The following TMEM184B variants were observed in gnomAD, a reference collection of about 807,000 sequenced individuals.
TMEM184B encodes transmembrane protein 184B.
Under a neutral mutation model 41.8 loss-of-function variants are expected in TMEM184B, and 17 were observed. The observed-to-expected ratio is 0.41, with a 90% CI of 0.28 to 0.61. The LOEUF (loss-of-function observed/expected upper bound fraction) is 0.61, where lower values mean the gene tolerates loss of function less well. TMEM184B is among the 20% of genes least tolerant of loss of function. The pLI is 0.34. For missense variants in TMEM184B, 393 were observed against 557.8 expected (o/e 0.70, Z 2.98); for synonymous variants, 240 against 229.5 (o/e 1.05, Z -0.41).
rs1305396118 is a variant in TMEM184B, at chr22:38,272,947, G to T, written c.-122C>A. ...GCGCGGCAGCCGGACTCTGCGGGCG[G>T]GGCGGGCGGCGCCGCAGCCCCGGAG... is the stretch of plus-strand genomic sequence containing the variant. On this transcript the variant is annotated 5_prime_UTR_variant, in exon 1 of 9. Coordinates refer to ENST00000361906, the MANE Select transcript of TMEM184B (RefSeq NM_012264.5). 2.2e-6 allele frequency: 1 copy of T among 446,348 alleles called. No individual in the cohort carries two copies. The highest frequency in any genetic ancestry group is 3.0e-6 in the Non-Finnish European group (1 of 337,888). 27.6% of individuals were successfully genotyped at this position (446,348 alleles called of 1,614,324 possible).
chr22:38,272,964 G>C lies in TMEM184B; in HGVS notation c.-139C>G, dbSNP rs1168563601. 1 of 311,880 alleles carries C rather than the reference G, an allele frequency of 3.2e-6. No individual in the cohort carries two copies. The highest frequency in any genetic ancestry group is 4.6e-6 in the Non-Finnish European group (1 of 215,202). The allele number at this position is 311,880 out of a possible 1,614,324, so 19.3% of individuals were successfully genotyped here. A position where few individuals can be genotyped will look rare whatever the true frequency, so the allele number is the denominator to read the frequency against. On this transcript the variant is annotated 5_prime_UTR_variant, in exon 1 of 9. Coordinates refer to ENST00000361906, the MANE Select transcript of TMEM184B (RefSeq NM_012264.5). ...TGCGGGCGGGGCGGGCGGCGCCGCA[G>C]CCCCGGAGTCTCCGCCGCCGCCGGC...
At chr22:38,250,957 C>G (rs34831342) in intron 1 of TMEM184B, among the ~76,000 whole-genome samples, 13,462 of 152,250 alleles carry the variant, frequency 0.088, 779 homozygotes, top group Non-Finnish European at 0.13. Flanking sequence ...GTGACTTACC[C>G]CCAAATCAGA....
At chr22:38,244,121 T>C (rs1272115552) in intron 3 of TMEM184B, among the ~76,000 whole-genome samples, 3 of 152,122 alleles carry the variant, frequency 2.0e-5, no homozygotes, top group Non-Finnish European at 4.4e-5. Flanking sequence ...TGGGGTGCAA[T>C]GGGCTCCTGT....
In TMEM184B at chr22:38,256,036, A is replaced by G. The variant is rs115359688; in HGVS notation, c.-58-8017T>C. ...CCTACATGAAAATGCAGAAAACTGA[A>G]TAAGGTCTGTACTTCAGTTAATAGT... On this transcript the variant is annotated intron_variant, in intron 1 of 8. Coordinates refer to ENST00000361906, the MANE Select transcript of TMEM184B (RefSeq NM_012264.5). Among the ~76,000 whole-genome samples, 716 of 152,270 alleles carry G rather than the reference A, an allele frequency of 4.7e-3. 3 individuals carry two copies. The highest frequency in any genetic ancestry group is 0.016 in the African/African-American group (677 of 41,556).
rs1168667099 is a variant in TMEM184B at position 38,248,448 on chromosome 22, C to A, written c.-58-429G>T. Among the ~76,000 whole-genome samples the A allele has an allele frequency of 5.1e-4, 77 of 152,224 alleles. 1 individual carries two copies. Among genetic ancestry groups the A allele is most frequent in the Admixed American group, 5.0e-3 (77 of 15,276 alleles). ...TTGCTGTTCCTTGAACATATTAAGC[C>A]TGCTTCTGCCACAGGGCCTTTGCAC... On this transcript the variant is annotated intron_variant, in intron 1 of 8. Transcript: ENST00000361906.
At chr22:38,247,134 C>T (rs1404286393) in intron 2 of TMEM184B, among the ~76,000 whole-genome samples, 2 of 152,174 alleles carry the variant, frequency 1.3e-5, no homozygotes, top group African/African-American at 4.8e-5. Flanking sequence ...GACTTCTATC[C>T]CACTCTACCA....
chr22:38,239,787 C>G lies in TMEM184B; in HGVS notation c.358+6148G>C, dbSNP rs1231072412. On this transcript the variant is annotated intron_variant, in intron 3 of 8. Coordinates refer to ENST00000361906, the MANE Select transcript of TMEM184B (RefSeq NM_012264.5). The surrounding 1 kb of genome is among the most constrained non-coding windows in gnomAD (Gnocchi z 4.6). ...TGCCACGCTGTACCAGTCACTCAGC[C>G]TGTGCAGTGTTTTGAGGCAGGAGAT... Among the ~76,000 whole-genome samples, 1 of 152,162 alleles carries G rather than the reference C, an allele frequency of 6.6e-6. No homozygotes were observed. The highest frequency in any genetic ancestry group is 2.4e-5 in the African/African-American group (1 of 41,426).
At chr22:38,244,617 C>T (rs78495285) in intron 3 of TMEM184B, among the ~76,000 whole-genome samples, 7,566 of 152,136 alleles carry the variant, frequency 0.05, 657 homozygotes, top group African/African-American at 0.17. Flanking sequence ...CCATTATGCC[C>T]GGATAATTTT....
downstream of TMEM184B, among the ~76,000 whole-genome samples, chr22:38,217,295 T>C (rs1034577980): frequency 7.2e-6 from 1 of 138,730 alleles, no homozygotes; most frequent in East Asian, 2.1e-4. Context: ...CCATCCTGGC[T>C]AACACGGTGA....
chr22:38,261,090 C>A (rs2092362736), intron 1 of TMEM184B, among the ~76,000 whole-genome samples: 1 of 152,206 alleles, frequency 6.6e-6, no homozygotes, highest in Non-Finnish European at 1.5e-5. Flanking sequence ...TGCTCCCACT[C>A]CAGCCGCCTG....
chr22:38,258,007 C>T (rs943042325), intron 1 of TMEM184B, among the ~76,000 whole-genome samples: 2 of 152,142 alleles, frequency 1.3e-5, no homozygotes, highest in Non-Finnish European at 2.9e-5. Context: ...AATTCAAGGA[C>T]CCCCACCTCC....
chr22:38,254,326 G>A (rs577900122), intron 1 of TMEM184B, among the ~76,000 whole-genome samples: 8 of 152,064 alleles, frequency 5.3e-5, no homozygotes, highest in Non-Finnish European at 8.8e-5. Context: ...AGTACATGGC[G>A]CAGTGGCTCA....
chr22:38,228,007 G>T (rs1218079653), intron 5 of TMEM184B, among the ~76,000 whole-genome samples: 1 of 152,212 alleles, frequency 6.6e-6, no homozygotes, highest in African/African-American at 2.4e-5. Context: ...TAGTGTAGCT[G>T]CAAAGAGGAC....
chr22:38,250,045 C>A (rs187458928), intron 1 of TMEM184B, among the ~76,000 whole-genome samples: 2,055 of 152,366 alleles, frequency 0.013, 43 homozygotes, highest in Non-Finnish European at 0.016. Context: ...TGAGCGAACA[C>A]CAACCCCGAC....
At chr22:38,267,104 T>C (rs1325771307) in intron 1 of TMEM184B, among the ~76,000 whole-genome samples, 2 of 149,654 alleles carry the variant, frequency 1.3e-5, no homozygotes, top group Non-Finnish European at 1.5e-5. Flanking sequence ...AAAAAACAAG[T>C]ACTACTTCTA....
intron 1 of TMEM184B, among the ~76,000 whole-genome samples, chr22:38,255,337 A>AT (rs2092259247): frequency 6.7e-6 from 1 of 148,258 alleles, no homozygotes; most frequent in East Asian, 2.0e-4. Context: ...TGGCCGGCTA[A>AT]TTTTTTTTGT....
chr22:38,253,185 G>A (rs950173576), intron 1 of TMEM184B, among the ~76,000 whole-genome samples: 3 of 152,066 alleles, frequency 2.0e-5, no homozygotes, highest in South Asian at 4.2e-4. Context: ...TGGGAGCCGC[G>A]GTGGCTCAGG....
intron 5 of TMEM184B, among the ~76,000 whole-genome samples, chr22:38,229,574 T>C (rs1356091115): frequency 2.0e-5 from 3 of 151,558 alleles, no homozygotes; most frequent in Non-Finnish European, 4.4e-5. Flanking sequence ...CAGGCTACTC[T>C]AGACCACAGG....
Position 38,220,298 on chromosome 22 carries a change from G to A in TMEM184B, c.*1171C>T, listed in dbSNP as rs751930550. 4.5e-5 allele frequency: 44 copies of A among 985,910 alleles called. No homozygotes were observed. Among genetic ancestry groups the A allele is most frequent in the Admixed American group, 1.2e-4 (2 of 16,272 alleles). The allele number at this position is 985,910 out of a possible 1,614,324, so 61.1% of individuals were successfully genotyped here. ...TGGGCCCAGCACTGCAGGATCCTGCGAGTGCCAGCAGCTGAACTAAGAGCC... is the reference window on the plus strand; with the variant it reads ...TGGGCCCAGCACTGCAGGATCCTGCAAGTGCCAGCAGCTGAACTAAGAGCC... On this transcript the variant is annotated 3_prime_UTR_variant, in exon 9 of 9. Transcript: ENST00000361906.
Sources: allele counts gnomAD v4.1 joint callset (sites outside exome capture counted in the v4.1 genomes callset), GRCh38; gene constraint gnomAD v4.1.1; non-coding constraint Gnocchi (gnomAD v3.1); transcripts MANE v1.5; gene names NCBI Gene and HGNC (gene_info 2026-07-23, HGNC 2026-07-21).